The following CCNG2 variants were observed in gnomAD, a reference collection of about 807,000 sequenced individuals.
CCNG2 encodes the protein cyclin-G2.
A neutral mutation model predicts 36.5 loss-of-function variants in CCNG2; 20 were observed. The observed-to-expected ratio is 0.55, with a 90% confidence interval of 0.39 to 0.80. CCNG2 has a LOEUF of 0.80. Ranked by LOEUF, CCNG2 falls within the 30% of genes least tolerant of loss-of-function variation. The probability of loss-of-function intolerance (pLI) is 0.00; values close to 1 mark genes in which losing one functional copy is unlikely to be tolerated. For synonymous variants in CCNG2, 155 were observed against 140.1 expected, an observed-to-expected ratio of 1.11 and a Z score of -0.75; for missense variants, 358 against 390.8, an observed-to-expected ratio of 0.92 and a Z score of 0.71.
At chr4:77,160,595 C>A in intron 3 of CCNG2, 126 bp from the exon 4 acceptor site, 1 of 867,376 alleles carries the variant, frequency 1.2e-6, no homozygotes, top group Non-Finnish European at 1.8e-6. Flanking sequence ...GGTAAAGAGC[C>A]AGTACATATA....
intron 6 of CCNG2, among the ~76,000 whole-genome samples, chr4:77,162,453 G>C (rs4150077): frequency 0.023 from 3,374 of 144,252 alleles, 111 homozygotes; most frequent in African/African-American, 0.074. Flanking sequence ...CATGATCTTG[G>C]CTCACCGCAA....
rs1245617416 is a variant in CCNG2, at chr4:77,166,048, AT to A, written c.*127del. ...TAATATACTGGAATACCTACCTTCTATTTGTTATTCAGATCAGATCTGGCCT... is the reference window on the plus strand; with the variant it reads ...TAATATACTGGAATACCTACCTTCTATTGTTATTCAGATCAGATCTGGCCT... On this transcript the variant is annotated 3_prime_UTR_variant, in exon 8 of 8. Coordinates refer to ENST00000316355, the MANE Select transcript of CCNG2 (RefSeq NM_004354.3). 3.2e-5 allele frequency: 28 copies of A among 879,030 alleles called. No individual in the cohort carries two copies. The highest frequency in any genetic ancestry group is 4.2e-5 in the Non-Finnish European group (25 of 600,518). 54.5% of individuals were successfully genotyped at this position (879,030 alleles called of 1,614,324 possible). A position where few individuals can be genotyped will look rare whatever the true frequency, so the allele number is the denominator to read the frequency against.
intron 6 of CCNG2, among the ~76,000 whole-genome samples, chr4:77,163,086 T>C (rs1731530729): frequency 6.6e-6 from 1 of 152,070 alleles, no homozygotes; most frequent in Non-Finnish European, 1.5e-5. Context: ...TAGTAGGTGT[T>C]TGGCGTTTTG....
Position 77,160,770 on chromosome 4 carries a change from C to T in CCNG2, c.326C>T (p.Ala109Val), listed in dbSNP as rs1177343209. The change falls in exon 4 of 8, where the codon GCT (alanine) becomes GTT (valine). Residue 109 changes from alanine to valine, a missense_variant. Physicochemically the swap from Ala to Val is moderately conservative, Grantham distance 64 (BLOSUM62 0). Coordinates refer to ENST00000316355, the MANE Select transcript of CCNG2 (RefSeq NM_004354.3). ...ATTGGAGTCTGTTCTTTTTTGCTGG[C>T]TGCTAGAATAGTTGAAGAAGACTGC... ...SCIGVCSFLLAARIVEEDCNI... is the reference protein window; with the variant it reads ...SCIGVCSFLLVARIVEEDCNI... 1 of 1,613,762 alleles carries T rather than the reference C, an allele frequency of 6.2e-7. No individual in the cohort carries two copies. The highest frequency in any genetic ancestry group is 8.5e-7 in the Non-Finnish European group (1 of 1,179,860).
intron 7 of CCNG2, 134 bp downstream of exon 7, chr4:77,164,613 C>A (rs907771921): frequency 1.1e-5 from 7 of 613,452 alleles, no homozygotes; most frequent in Non-Finnish European, 2.0e-5. Context: ...AAAGCCCCCA[C>A]TCTTCAGGTA....
chr4:77,159,263 A>T, intron 2 of CCNG2, 104 bp from the exon 3 acceptor site: 1 of 1,039,108 alleles, frequency 9.6e-7, no homozygotes, highest in Non-Finnish European at 1.4e-6. Context: ...GAAAAAAATT[A>T]ACCTTATTCT....
chr4:77,162,196 G>A (rs1731457185), intron 6 of CCNG2, among the ~76,000 whole-genome samples: 3 of 152,008 alleles, frequency 2.0e-5, no homozygotes, highest in Admixed American at 2.0e-4. Context: ...AAATCCTTTA[G>A]GCCAGCTAAG....
rs1731653382 is a variant in CCNG2, at chr4:77,167,212, T to G, written c.*1288T>G. 6.6e-6 allele frequency: 1 copy of G among 152,204 alleles called. No homozygotes were observed. The highest frequency in any genetic ancestry group is 1.5e-5 in the Non-Finnish European group (1 of 68,030). 9.4% of individuals were successfully genotyped at this position (152,204 alleles called of 1,614,324 possible). ...AAATAAAATTATTAATGAATTCTCC[T>G]TGTTTGGGATCACATCTTAATTTTT... On this transcript the variant is annotated 3_prime_UTR_variant, in exon 8 of 8. Coordinates refer to ENST00000316355, the MANE Select transcript of CCNG2 (RefSeq NM_004354.3).
chr4:77,168,079 C>A lies in CCNG2; in HGVS notation c.*2155C>A, dbSNP rs1157268851. On this transcript the variant is annotated 3_prime_UTR_variant, in exon 8 of 8. Transcript: ENST00000316355. ...GAGACCTCTCTGCTGAGCTTGCAAC[C>A]TGTTTATTCACATGGCCTGCCATGC... 6.6e-6 allele frequency: 1 copy of A among 152,196 alleles called. No homozygotes were observed. Among genetic ancestry groups the A allele is most frequent in the Non-Finnish European group, 1.5e-5 (1 of 68,036 alleles). 9.4% of individuals were successfully genotyped at this position (152,196 alleles called of 1,614,324 possible).
At chr4:77,158,806 C>T in intron 2 of CCNG2, 136 bp downstream of exon 2, 2 of 809,402 alleles carry the variant, frequency 2.5e-6, no homozygotes, top group Non-Finnish European at 3.9e-6. Flanking sequence ...CCAAGATAAA[C>T]CTTATTACAG....
intron 6 of CCNG2, among the ~76,000 whole-genome samples, chr4:77,163,660 C>T (rs1052814075): frequency 1.3e-4 from 20 of 151,794 alleles, no homozygotes; most frequent in African/African-American, 4.6e-4. Context: ...GAAGGCATTC[C>T]GAAGGAGGAG....
Position 77,162,376 on chromosome 4 carries a change from ATTTT to A in CCNG2, c.705+652_705+655del, listed in dbSNP as rs35692387. Among the ~76,000 whole-genome samples, 392 of 71,424 alleles carry A rather than the reference ATTTT, an allele frequency of 5.5e-3. 3 individuals are homozygous for A. Among genetic ancestry groups the A allele is most frequent in the African/African-American group, 0.021 (378 of 17,722 alleles). The allele number at this position is 71,424 out of a possible 152,430, so 46.9% of individuals were successfully genotyped here. On this transcript the variant is annotated intron_variant, in intron 6 of 7. Coordinates refer to ENST00000316355, the MANE Select transcript of CCNG2 (RefSeq NM_004354.3). ...TAGTGAATATAGAGAGTACTTTGGG[ATTTT>A]TTTTTTTTTTTTTTTTTTTTTTGAG... is the stretch of plus-strand genomic sequence containing the variant.
chr4:77,161,626 C>G, intron 5 of CCNG2, 23 bp from the exon 6 acceptor site: 2 of 1,563,368 alleles, frequency 1.3e-6, no homozygotes, highest in South Asian at 1.2e-5. Context: ...AAATATTTTT[C>G]TTTTTTTTCT....
chr4:77,160,290 T>C (rs1328971764), intron 3 of CCNG2, among the ~76,000 whole-genome samples: 1 of 151,232 alleles, frequency 6.6e-6, no homozygotes, highest in East Asian at 1.9e-4. Context: ...GCTAGGAATC[T>C]AGCTTTTGAA....
intron 7 of CCNG2, 137 bp downstream of exon 7, chr4:77,164,616 T>C: frequency 1.7e-6 from 1 of 601,038 alleles, no homozygotes; most frequent in South Asian, 2.4e-5. Context: ...GCCCCCACTC[T>C]TCAGGTAAGC....
At chr4:77,164,094 G>C (rs1731557408) in intron 6 of CCNG2, among the ~76,000 whole-genome samples, 180 bp from the exon 7 acceptor site, 1 of 152,098 alleles carries the variant, frequency 6.6e-6, no homozygotes, top group Non-Finnish European at 1.5e-5. Flanking sequence ...AGGGAACTTA[G>C]AAAACTCTTG....
At chr4:77,159,322 G>A in intron 2 of CCNG2, 45 bp from the exon 3 acceptor site, 5 of 1,567,164 alleles carry the variant, frequency 3.2e-6, no homozygotes, top group South Asian at 2.3e-5. Context: ...TTTTTCATCT[G>A]GTTCTAAGAA....
chr4:77,160,932 A>C lies in CCNG2; in HGVS notation c.488A>C (p.His163Pro). ...GCTACTACTGCCTTAAACTTTTTGC[A>C]CTTATACCATACTATTATACTTTGT... Reference protein sequence around the residue: ...LEATTALNFLHLYHTIILCHT... With the variant: ...LEATTALNFLPLYHTIILCHT... Residue 163 changes from histidine to proline, a missense_variant, in exon 4 of 8, where the codon CAC becomes CCC. Physicochemically the swap from His to Pro is moderately conservative, Grantham distance 77. Coordinates refer to ENST00000316355, the MANE Select transcript of CCNG2 (RefSeq NM_004354.3). 6.2e-7 allele frequency: 1 copy of C among 1,608,194 alleles called. No homozygotes were observed. The highest frequency in any genetic ancestry group is 8.5e-7 in the Non-Finnish European group (1 of 1,178,954).
At chr4:77,160,535 G>GA (rs1553894302) in intron 3 of CCNG2, among the ~76,000 whole-genome samples, 186 bp from the exon 4 acceptor site, 1 of 148,860 alleles carries the variant, frequency 6.7e-6, no homozygotes, top group African/African-American at 2.5e-5. Flanking sequence ...TTTTTTTGGG[G>GA]GGGGGGGGAG....
Sources: gnomAD v4.1 joint callset for allele counts (sites outside exome capture counted in the v4.1 genomes callset) on GRCh38, gnomAD v4.1.1 for gene constraint, MANE v1.5 for transcripts, NCBI Gene and HGNC (gene_info 2026-07-23, HGNC 2026-07-21) for gene names.